The following NEDD4L variants were observed in gnomAD, a reference collection of about 807,000 sequenced individuals.
The protein encoded by NEDD4L is NEDD4 like E3 ubiquitin protein ligase, also known as E3 ubiquitin-protein ligase NEDD4-like.
Under a neutral mutation model 148.9 loss-of-function variants are expected in NEDD4L, and 54 were observed. The ratio of observed to expected loss-of-function variants is 0.36; its 90% confidence interval spans 0.29 to 0.45. The LOEUF (loss-of-function observed/expected upper bound fraction) is 0.45, where lower values mean the gene tolerates loss of function less well. NEDD4L is among the 20% of genes least tolerant of loss of function. The pLI is 1.00. For missense variants in NEDD4L, 856 were observed against 1,233.8 expected (o/e 0.69, Z 4.59); for synonymous variants, 433 against 440.7 (o/e 0.98, Z 0.22).
In NEDD4L at chr18:58,218,436, T is replaced by A. The variant is rs540388699; in HGVS notation, c.123-26991T>A. 2.1e-4 allele frequency among the ~76,000 whole-genome samples: 32 copies of A among 152,234 alleles called. 2 individuals are homozygous for A. The highest frequency in any genetic ancestry group is 7.2e-4 in the African/African-American group (30 of 41,540). ...TTTTGAAATTTGAGTTTAGAAAAAA[T>A]TCCAAGGGAAATGAGCAAGAATGAA... On this transcript the variant is annotated intron_variant, in intron 2 of 30. Coordinates refer to ENST00000400345, the MANE Select transcript of NEDD4L (RefSeq NM_001144967.3).
At chr18:58,354,745 G>C (rs1034059368) in intron 18 of NEDD4L, among the ~76,000 whole-genome samples, 5 of 152,206 alleles carry the variant, frequency 3.3e-5, no homozygotes, top group African/African-American at 1.2e-4. Context: ...GGATATTTCA[G>C]GTGTTAGAGG....
At chr18:58,106,919 G>A (rs2085101340) in intron 1 of NEDD4L, among the ~76,000 whole-genome samples, 2 of 152,194 alleles carry the variant, frequency 1.3e-5, no homozygotes, top group Admixed American at 1.3e-4. Flanking sequence ...AAGTGGGTTA[G>A]TCTGCTAGGG....
intron 2 of NEDD4L, among the ~76,000 whole-genome samples, chr18:58,179,515 C>T (rs993015252): frequency 2.6e-5 from 4 of 152,090 alleles, no homozygotes; most frequent in Admixed American, 6.5e-5. Context: ...GGAAGTGGGC[C>T]GCACAGCAGG....
chr18:58,147,140 G>A (rs553390169), intron 1 of NEDD4L, among the ~76,000 whole-genome samples: 2 of 152,216 alleles, frequency 1.3e-5, no homozygotes, highest in Non-Finnish European at 2.9e-5. Flanking sequence ...GTGTGCATTG[G>A]TAAATTTTTA....
At chr18:58,258,599 C>T (rs2048914975) in intron 5 of NEDD4L, among the ~76,000 whole-genome samples, 1 of 152,176 alleles carries the variant, frequency 6.6e-6, no homozygotes, top group South Asian at 2.1e-4. Flanking sequence ...AAACAAGTTT[C>T]TACACATTTG....
chr18:58,311,956 G>A (rs1454958883), intron 5 of NEDD4L, among the ~76,000 whole-genome samples: 1 of 152,154 alleles, frequency 6.6e-6, no homozygotes, highest in African/African-American at 2.4e-5. Context: ...GCATGAACAG[G>A]GCGCCCACTT....
intron 5 of NEDD4L, among the ~76,000 whole-genome samples, chr18:58,274,617 C>T (rs141693073): frequency 4.5e-4 from 68 of 152,328 alleles, no homozygotes; most frequent in African/African-American, 1.5e-3. Flanking sequence ...TAAGGAAATT[C>T]ACCATATTCT....
chr18:58,376,878 C>T (rs2047633433), intron 24 of NEDD4L, among the ~76,000 whole-genome samples: 1 of 152,184 alleles, frequency 6.6e-6, no homozygotes, highest in Non-Finnish European at 1.5e-5. Flanking sequence ...AACACAAGCC[C>T]CTTCCTGCCT....
At chr18:58,192,058 C>G (rs1446126829) in intron 2 of NEDD4L, among the ~76,000 whole-genome samples, 1 of 152,164 alleles carries the variant, frequency 6.6e-6, no homozygotes, top group Non-Finnish European at 1.5e-5. Flanking sequence ...GTAGTCCCAG[C>G]TGCTCGGGAG....
At chr18:58,080,982 C>T (rs756271172) in intron 1 of NEDD4L, among the ~76,000 whole-genome samples, 6 of 151,996 alleles carry the variant, frequency 3.9e-5, no homozygotes, top group Admixed American at 3.3e-4. Context: ...TCCTCAGCAT[C>T]GGAACTCCAG....
intron 5 of NEDD4L, among the ~76,000 whole-genome samples, chr18:58,275,779 G>A (rs2051830165): frequency 6.8e-6 from 1 of 146,300 alleles, no homozygotes. Flanking sequence ...AATTGGAGAA[G>A]GATGGAATGG....
intron 1 of NEDD4L, among the ~76,000 whole-genome samples, chr18:58,066,838 C>T (rs908231003): frequency 6.6e-6 from 1 of 151,986 alleles, no homozygotes; most frequent in Non-Finnish European, 1.5e-5. Context: ...TTTTAAATAA[C>T]CAAGCACAGA....
intron 17 of NEDD4L, among the ~76,000 whole-genome samples, chr18:58,350,455 T>C (rs2043731822): frequency 6.6e-6 from 1 of 152,190 alleles, no homozygotes; most frequent in Non-Finnish European, 1.5e-5. Context: ...GAGGTTCAGA[T>C]AGCAAATATG....
chr18:58,122,698 G>A lies in NEDD4L; in HGVS notation c.49-43090G>A, dbSNP rs79099509. 6.9e-4 allele frequency among the ~76,000 whole-genome samples: 105 copies of A among 151,972 alleles called. 1 individual carries two copies. The East Asian group carries it at 0.018, about 26-fold the overall frequency. ...TTGCTTTCAAAGCAGTTGTCAAGTG[G>A]TGTCCACCCATCCCACTGATGGATT... On this transcript the variant is annotated intron_variant, in intron 1 of 30. Transcript: ENST00000400345.
intron 20 of NEDD4L, among the ~76,000 whole-genome samples, chr18:58,365,414 C>T (rs946905589): frequency 2.6e-5 from 4 of 152,192 alleles, no homozygotes; most frequent in African/African-American, 9.7e-5. Flanking sequence ...CGCCTCTTTG[C>T]AGGAGGCAGT....
chr18:58,133,019 CT>C (rs2032369200), intron 1 of NEDD4L, among the ~76,000 whole-genome samples: 1 of 152,138 alleles, frequency 6.6e-6, no homozygotes, highest in Non-Finnish European at 1.5e-5. Flanking sequence ...GGAGAGGCCA[CT>C]TTTCTCTGCA....
intron 30 of NEDD4L, among the ~76,000 whole-genome samples, chr18:58,391,852 C>G (rs1290902735): frequency 6.6e-6 from 1 of 152,220 alleles, no homozygotes; most frequent in Admixed American, 6.5e-5. Context: ...GTTCAGCATA[C>G]ATAGATAAGG....
intron 1 of NEDD4L, among the ~76,000 whole-genome samples, chr18:58,075,594 T>A (rs1487663265): frequency 6.6e-6 from 1 of 152,042 alleles, no homozygotes; most frequent in Non-Finnish European, 1.5e-5. Context: ...GGATTACAGG[T>A]GTGAGCCACT....
intron 2 of NEDD4L, among the ~76,000 whole-genome samples, chr18:58,204,712 G>A (rs1435983590): frequency 2.6e-5 from 4 of 152,140 alleles, no homozygotes; most frequent in Admixed American, 2.0e-4. Context: ...ATAAAAATAA[G>A]TTTAGATAGT....
Sources: allele counts gnomAD v4.1 joint callset (sites outside exome capture counted in the v4.1 genomes callset), GRCh38; gene constraint gnomAD v4.1.1; transcripts MANE v1.5; gene names NCBI Gene and HGNC (gene_info 2026-07-23, HGNC 2026-07-21).